Variants in LRP4 observed in about 807,000 individuals in gnomAD.
LRP4 encodes LDL receptor related protein 4, also known as low-density lipoprotein receptor-related protein 4.
Under a neutral mutation model 220.3 loss-of-function variants are expected in LRP4, and 95 were observed. That is an observed-to-expected ratio of 0.43 (90% CI 0.37 to 0.51). The LOEUF is 0.51. Ranked by LOEUF, LRP4 falls within the 20% of genes least tolerant of loss-of-function variation. The pLI, the probability that LRP4 is intolerant of heterozygous loss-of-function variation, is 0.00. For synonymous variants in LRP4, 903 were observed against 954.6 expected, an observed-to-expected ratio of 0.95 and a Z score of 1.00; for missense variants, 1,925 against 2,567.0, an observed-to-expected ratio of 0.75 and a Z score of 5.40.
chr11:46,876,973 T>C, intron 23 of LRP4, 143 bp from the exon 24 acceptor site: 1 of 866,082 alleles, frequency 1.2e-6, no homozygotes, highest in East Asian at 2.5e-5. Context: ...CGCAGAAATA[T>C]CATAGCAGGA....
At chr11:46,883,140 C>T (rs1941200922) in intron 19 of LRP4, among the ~76,000 whole-genome samples, 1 of 151,720 alleles carries the variant, frequency 6.6e-6, no homozygotes, top group Non-Finnish European at 1.5e-5. Context: ...GCAAGTAAAC[C>T]AACAATAAAA....
rs1369966001 is a variant in LRP4, at chr11:46,858,628, A to C, written c.*355T>G. The C allele has an allele frequency of 1.6e-5, 6 of 367,294 alleles. No individual in the cohort carries two copies. Among genetic ancestry groups the C allele is most frequent in the Non-Finnish European group, 3.2e-5 (6 of 189,078 alleles). 22.8% of individuals were successfully genotyped at this position (367,294 alleles called of 1,614,324 possible). A position where few individuals can be genotyped will look rare whatever the true frequency, so the allele number is the denominator to read the frequency against. On this transcript the variant is annotated 3_prime_UTR_variant, in exon 38 of 38. Coordinates refer to ENST00000378623, the MANE Select transcript of LRP4 (RefSeq NM_002334.4). ...GGGCAGAGCGCAGTCCTGGGTCATCAGCTGCATCAGCACTGAGAAGCAGGC... is the reference window on the plus strand; with the variant it reads ...GGGCAGAGCGCAGTCCTGGGTCATCCGCTGCATCAGCACTGAGAAGCAGGC...
At chr11:46,886,645 G>T in intron 16 of LRP4, 112 bp from the exon 17 acceptor site, 1 of 896,582 alleles carries the variant, frequency 1.1e-6, no homozygotes, top group Non-Finnish European at 1.8e-6. Context: ...CTGGGATCTG[G>T]TGCCCTTTGC....
Position 46,888,548 on chromosome 11 carries a change from CAA to C in LRP4, c.2215+861_2215+862del, listed in dbSNP as rs71042635. Among the ~76,000 whole-genome samples, 10 of 31,314 alleles carry C rather than the reference CAA, an allele frequency of 3.2e-4. No individual in the cohort carries two copies. In the East Asian group the frequency reaches 7.2e-3, roughly 22 times the overall value. 20.5% of individuals were successfully genotyped at this position (31,314 alleles called of 152,430 possible). ...AGCCTGGACAAGAGCAAAACTGTCT[CAA>C]AAAAAAAAAAAAAAAAAAAAAAAGA... On this transcript the variant is annotated intron_variant, in intron 16 of 37. Transcript: ENST00000378623.
chr11:46,875,046 G>A lies in LRP4; in HGVS notation c.3983C>T (p.Pro1328Leu). ...GGCSHLCLPR[P>L]SGFSCACPTG... ...GGGGCAGGCACAGGAGAAGCCAGAA[G>A]GCCGAGGCAAGCAGAGGTGGGAGCA... is the stretch of plus-strand genomic sequence containing the variant. The change falls in exon 28 of 38, where the codon CCT becomes CTT. Residue 1328 changes from proline to leucine, a missense_variant. By Grantham distance (98) the Pro-to-Leu change is moderately conservative. Around this residue, in one of 3 missense-constraint regions of LRP4, gnomAD observed 1,244 missense variants for 1,624.9 expected, o/e 0.77. Transcript: ENST00000378623. The surrounding 1 kb of genome is among the most constrained non-coding windows in gnomAD (Gnocchi z 4.5). The A allele has an allele frequency of 6.2e-7, 1 of 1,613,886 alleles. No homozygotes were observed. The highest frequency in any genetic ancestry group is 8.5e-7 in the Non-Finnish European group (1 of 1,180,042).
intron 10 of LRP4, 122 bp from the exon 11 acceptor site, chr11:46,895,413 G>A: frequency 1.4e-6 from 2 of 1,403,114 alleles, no homozygotes; most frequent in Non-Finnish European, 2.0e-6. Context: ...TGGGAAGGCT[G>A]TCTAAGAAAT....
At chr11:46,883,550 C>G (rs1004695099) in intron 19 of LRP4, among the ~76,000 whole-genome samples, 10 of 152,216 alleles carry the variant, frequency 6.6e-5, no homozygotes, top group African/African-American at 2.4e-4. Flanking sequence ...AGAAACAATG[C>G]TAATGACTGG....
chr11:46,900,255 C>T lies in LRP4; in HGVS notation c.316+7G>A, dbSNP rs746417034. 2 of 1,607,308 alleles carry T rather than the reference C, an allele frequency of 1.2e-6. 1 individual carries two copies. Among genetic ancestry groups the T allele is most frequent in the South Asian group, 2.2e-5 (2 of 90,954 alleles). ...TGGAGTTCCGCCCAGCCTCTGCCAA[C>T]ACTCACGACAGTCCTGCTCATCCGA... On this transcript the variant is annotated splice_region_variant and intron_variant, in intron 3 of 37. Coordinates refer to ENST00000378623, the MANE Select transcript of LRP4 (RefSeq NM_002334.4).
rs1340141039 is a variant in LRP4, at chr11:46,858,358, C to G, written c.*625G>C. 6.0e-6 allele frequency: 1 copy of G among 165,530 alleles called. No individual in the cohort carries two copies. The highest frequency in any genetic ancestry group is 1.3e-5 in the Non-Finnish European group (1 of 74,510). 10.3% of individuals were successfully genotyped at this position (165,530 alleles called of 1,614,324 possible). ...ATCTGCTGCTGAAAAGGCAGTGTCT[C>G]TTAGGGCAAGAATAATGTCCACTGC... On this transcript the variant is annotated 3_prime_UTR_variant, in exon 38 of 38. Coordinates refer to ENST00000378623, the MANE Select transcript of LRP4 (RefSeq NM_002334.4).
rs767815777 is a variant in LRP4, at chr11:46,873,524, C to T, written c.4299G>A (p.Leu1433=). 4 of 1,614,132 alleles carry T rather than the reference C, an allele frequency of 2.5e-6. No homozygotes were observed. The highest frequency in any genetic ancestry group is 2.2e-5 in the East Asian group (1 of 44,902). The change falls in exon 29 of 38, where the codon CTG becomes CTA. Residue 1433 remains leucine (L), a synonymous_variant. Transcript: ENST00000378623. This position sits in a 1 kb window ranked among gnomAD's most constrained non-coding sequence, Gnocchi z 4.2. The part of the protein sequence containing the change: ...IGRGLKTTDG[L]AVDWVARNLY... ...GGTTCCTGGCCACCCAGTCCACTGC[C>T]AGCCCGTCAGTGGTCTTCAGCCCTC...
Position 46,878,968 on chromosome 11 carries a change from T to G in LRP4, c.3075A>C (p.Gly1025=), listed in dbSNP as rs1941084104. The change falls in exon 22 of 38, where the codon GGA becomes GGC. Residue 1025 remains glycine, a synonymous_variant. Transcript: ENST00000378623. ...TGCCTGTGGGGCAGGTACAGCTGAA[T>G]CCGCTTGGATTTGGGGACCTAAGAC... is the stretch of plus-strand genomic sequence containing the variant. The part of the protein sequence containing the change: ...HLCLRSPNPS[G]FSCTCPTGIN... 1 of 1,614,084 alleles carries G rather than the reference T, an allele frequency of 6.2e-7. No individual in the cohort carries two copies. The highest frequency in any genetic ancestry group is 1.3e-5 in the African/African-American group (1 of 74,926).
At chr11:46,878,095 G>T (rs765322419) in intron 22 of LRP4, among the ~76,000 whole-genome samples, 1 of 152,090 alleles carries the variant, frequency 6.6e-6, no homozygotes, top group Non-Finnish European at 1.5e-5. Context: ...ATCTCCTAGG[G>T]AGAAGCCTTG....
chr11:46,862,565 C>T (rs774598593), intron 37 of LRP4, 41 bp downstream of exon 37: 2 of 1,612,028 alleles, frequency 1.2e-6, no homozygotes, highest in Non-Finnish European at 1.7e-6. Flanking sequence ...CCTCCCCACA[C>T]CTCGCCAAAA....
Position 46,890,957 on chromosome 11 carries a change from A to AT in LRP4, c.1698-464dup, listed in dbSNP as rs535761088. Among the ~76,000 whole-genome samples the AT allele has an allele frequency of 2.3e-4, 35 of 150,002 alleles. No homozygotes were observed. The highest frequency in any genetic ancestry group is 4.6e-4 in the African/African-American group (19 of 40,880). ...AGACAGGGCATTTATTCATTTAATAATTTTTTTTTTCATACTGGCAACAGG... is the reference window on the plus strand; with the variant it reads ...AGACAGGGCATTTATTCATTTAATAATTTTTTTTTTTCATACTGGCAACAGG... On this transcript the variant is annotated intron_variant, in intron 13 of 37. Coordinates refer to ENST00000378623, the MANE Select transcript of LRP4 (RefSeq NM_002334.4). This position sits in a 1 kb window ranked among gnomAD's most constrained non-coding sequence, Gnocchi z 5.3.
At chr11:46,865,088 T>C in intron 35 of LRP4, 31 bp downstream of exon 35, 1 of 1,545,698 alleles carries the variant, frequency 6.5e-7, no homozygotes, top group Non-Finnish European at 8.8e-7. Flanking sequence ...TACATCTTCT[T>C]TTCCGGAACA....
chr11:46,871,785 AAAGCTGAAG>A, intron 30 of LRP4, 152 bp from the exon 31 acceptor site: 1 of 695,114 alleles, frequency 1.4e-6, no homozygotes, highest in Non-Finnish European at 2.6e-6. Flanking sequence ...TGTGAGTCCC[AAAGCTGAAG>A]AAGGGAGCTG....
In LRP4 at chr11:46,874,875, T is replaced by C. The variant is rs768733310; in HGVS notation, c.4154A>G (p.Asn1385Ser). 9 of 1,614,078 alleles carry C rather than the reference T, an allele frequency of 5.6e-6. No individual in the cohort carries two copies. The East Asian group carries it at 1.8e-4, about 32-fold the overall frequency. Residue 1385 changes from asparagine (N) to serine (S), a missense_variant, in exon 28 of 38, where the codon AAC becomes AGC. Around this residue, in one of 3 missense-constraint regions of LRP4, gnomAD observed 1,244 missense variants for 1,624.9 expected, o/e 0.77. Transcript: ENST00000378623. ...GTCATAGTCCAGGGAGATGACATTG[T>C]TGAGCTCAGGAACAGGGACATGCAC... The part of the protein sequence containing the change: ...TDVHVPVPEL[N>S]NVISLDYDSV...
chr11:46,881,899 T>C lies in LRP4; in HGVS notation c.2617A>G (p.Met873Val), dbSNP rs778662997. 15 of 1,614,196 alleles carry C rather than the reference T, an allele frequency of 9.3e-6. No homozygotes were observed. The highest frequency in any genetic ancestry group is 1.3e-5 in the Non-Finnish European group (15 of 1,180,024). ...CTCGCACCCCAGTCAGTCCAATACA[T>C]GTACCTGGGCAAAGGCAAGGCAAGG... ...DIVVEPMGGY[M>V]YWTDWGASPK... is the part of the protein sequence containing the mutation. The change falls in exon 20 of 38, where the codon ATG (methionine) becomes GTG (valine). Residue 873 changes from methionine to valine, a missense_variant. This residue lies in a region of LRP4 where 1,244 missense variants were observed against 1,624.9 expected (regional missense o/e 0.77). Transcript: ENST00000378623.
chr11:46,886,803 TCTTA>T (rs1247410213), intron 16 of LRP4, among the ~76,000 whole-genome samples: 1 of 152,190 alleles, frequency 6.6e-6, no homozygotes, highest in Non-Finnish European at 1.5e-5. Flanking sequence ...TTTTCTCTCT[TCTTA>T]CTTTTCTCCA....
Sources: gnomAD v4.1 joint callset for allele counts (sites outside exome capture counted in the v4.1 genomes callset) on GRCh38, gnomAD v4.1.1 for gene constraint, gnomAD v4.1.1 regional missense constraint, Gnocchi (gnomAD v3.1) non-coding constraint, MANE v1.5 for transcripts, NCBI Gene and HGNC (gene_info 2026-07-23, HGNC 2026-07-21) for gene names.